The following GAP43 variants were observed in gnomAD, a reference collection of about 807,000 sequenced individuals.
The protein encoded by GAP43 is neuromodulin.
Under a neutral mutation model 18.6 loss-of-function variants are expected in GAP43, and 6 were observed. That is an observed-to-expected ratio of 0.32 (90% CI 0.18 to 0.64). The LOEUF is 0.64. Among genes scored for constraint, GAP43 ranks in the 30% least tolerant of loss-of-function variants. The probability of loss-of-function intolerance (pLI) is 0.78; values close to 1 mark genes in which losing one functional copy is unlikely to be tolerated. For synonymous variants in GAP43, 115 were observed against 111.4 expected (o/e 1.03, Z -0.20); for missense variants, 292 against 295.5 (o/e 0.99, Z 0.09).
At chr3:115,669,971 ATTTTTTTTTTTTAAT>A (rs1708793871) in intron 1 of GAP43, among the ~76,000 whole-genome samples, 1 of 95,458 alleles carries the variant, frequency 1.0e-5, no homozygotes, top group African/African-American at 3.2e-5. Flanking sequence ...TTTTATTTTT[ATTTTTTTTTTTTAAT>A]TTTTTTTTTA....
At chr3:115,706,356 C>G (rs537442548) in intron 2 of GAP43, among the ~76,000 whole-genome samples, 1 of 151,902 alleles carries the variant, frequency 6.6e-6, no homozygotes, top group South Asian at 2.1e-4. Flanking sequence ...TTGCCATCCT[C>G]TCTGTAACTT....
At chr3:115,648,238 C>T (rs1210913473) in intron 1 of GAP43, among the ~76,000 whole-genome samples, 3 of 151,956 alleles carry the variant, frequency 2.0e-5, no homozygotes, top group South Asian at 2.1e-4. Context: ...GGCTGTATAC[C>T]TCAACCTTCT....
At position 115,683,147 on chromosome 3, in the gene GAP43, GCACACACACACACACACA is replaced by G. The variant is rs869219452; in HGVS notation, c.628+6561_628+6578del. On this transcript the variant is annotated intron_variant, in intron 2 of 2. Coordinates refer to ENST00000305124, the MANE Select transcript of GAP43 (RefSeq NM_002045.4). The stretch of plus-strand genomic sequence containing the variant: ...TGTGCGCGCGCGTGCGCGCGCGCGC[GCACACACACACACACACA>G]CACACACACACACACACACACACGA... Among the ~76,000 whole-genome samples the G allele has an allele frequency of 3.4e-3, 436 of 127,446 alleles. 1 individual carries two copies. The highest frequency in any genetic ancestry group is 0.012 in the African/African-American group (383 of 33,118). 83.6% of individuals were successfully genotyped at this position (127,446 alleles called of 152,430 possible).
intron 1 of GAP43, among the ~76,000 whole-genome samples, chr3:115,635,481 A>G (rs1708316694): frequency 6.6e-6 from 1 of 152,116 alleles, no homozygotes; most frequent in Admixed American, 6.6e-5. Flanking sequence ...TGAAACCAGT[A>G]TGGAGGAGGA....
At chr3:115,623,937 A>T (rs1708149541) in intron 1 of GAP43, among the ~76,000 whole-genome samples, 1 of 152,044 alleles carries the variant, frequency 6.6e-6, no homozygotes, top group Non-Finnish European at 1.5e-5. Flanking sequence ...GAGGGTAGAA[A>T]AAACATGCCT....
At chr3:115,674,565 G>T (rs185729785) in intron 1 of GAP43, among the ~76,000 whole-genome samples, 120 of 152,202 alleles carry the variant, frequency 7.9e-4, no homozygotes, top group African/African-American at 2.6e-3. Context: ...ATGATAATAC[G>T]AACACATTTT....
intron 2 of GAP43, among the ~76,000 whole-genome samples, chr3:115,690,719 AT>A (rs1171186310): frequency 3.5e-5 from 5 of 143,878 alleles, no homozygotes; most frequent in African/African-American, 1.3e-4. Flanking sequence ...CCATATGAAG[AT>A]CCTCTGGGCA....
intron 2 of GAP43, among the ~76,000 whole-genome samples, chr3:115,685,880 G>A (rs1346233216): frequency 2.0e-5 from 3 of 152,088 alleles, no homozygotes; most frequent in East Asian, 1.9e-4. Context: ...AGAGAACCTG[G>A]CCCCTATTGG....
Position 115,662,033 on chromosome 3 carries a change from A to G in GAP43, c.31-13980A>G, listed in dbSNP as rs1040891750. On this transcript the variant is annotated intron_variant, in intron 1 of 2. Transcript: ENST00000305124. ...AAGGGGAAGGGCATATTGTAATGAA[A>G]CCACAATTCGATTTTAGCTTACTGT... is the stretch of plus-strand genomic sequence containing the variant. Among the ~76,000 whole-genome samples, 4 of 151,824 alleles carry G rather than the reference A, an allele frequency of 2.6e-5. No individual in the cohort carries two copies. In the East Asian group the frequency reaches 7.7e-4, roughly 29 times the overall value.
intron 1 of GAP43, among the ~76,000 whole-genome samples, chr3:115,631,924 A>G (rs1446725103): frequency 6.6e-6 from 1 of 152,122 alleles, no homozygotes; most frequent in Non-Finnish European, 1.5e-5. Flanking sequence ...GGCTCAGAGT[A>G]AATATTAACC....
At chr3:115,654,397 C>T (rs1479691459) in intron 1 of GAP43, among the ~76,000 whole-genome samples, 1 of 152,164 alleles carries the variant, frequency 6.6e-6, no homozygotes, top group Non-Finnish European at 1.5e-5. Flanking sequence ...ACTAAAGACC[C>T]CAGCTCATCC....
At chr3:115,626,076 C>T (rs967307965) in intron 1 of GAP43, among the ~76,000 whole-genome samples, 17 of 152,148 alleles carry the variant, frequency 1.1e-4, no homozygotes, top group African/African-American at 3.1e-4. Context: ...GTATTCAGGG[C>T]GTGGGCTCAC....
At chr3:115,657,909 G>T (rs1413235432) in intron 1 of GAP43, among the ~76,000 whole-genome samples, 3 of 152,126 alleles carry the variant, frequency 2.0e-5, no homozygotes, top group African/African-American at 7.2e-5. Flanking sequence ...TAACCAAAGA[G>T]ACAAGGTATT....
chr3:115,703,898 G>A (rs1340835755), intron 2 of GAP43, among the ~76,000 whole-genome samples: 1 of 152,008 alleles, frequency 6.6e-6, no homozygotes, highest in Non-Finnish European at 1.5e-5. Flanking sequence ...TAAACAGCTT[G>A]GAGATCTTTG....
intron 2 of GAP43, among the ~76,000 whole-genome samples, chr3:115,689,228 T>G (rs1029311779): frequency 6.6e-6 from 1 of 152,218 alleles, no homozygotes; most frequent in Admixed American, 6.5e-5. Context: ...CCCAGTTTAT[T>G]TTCTCCGTAG....
intron 1 of GAP43, among the ~76,000 whole-genome samples, chr3:115,645,463 T>C (rs1452258508): frequency 1.3e-5 from 2 of 152,024 alleles, no homozygotes. Flanking sequence ...TGCTGAACAG[T>C]TAACTTAGTG....
intron 2 of GAP43, among the ~76,000 whole-genome samples, chr3:115,682,779 C>T (rs568838960): frequency 3.8e-4 from 58 of 152,292 alleles, no homozygotes; most frequent in African/African-American, 1.3e-3. Context: ...TCAGGTGATC[C>T]GCCTGCTTCA....
intron 1 of GAP43, among the ~76,000 whole-genome samples, chr3:115,641,382 T>TTG (rs894619973): frequency 1.3e-4 from 20 of 150,956 alleles, no homozygotes; most frequent in Middle Eastern, 3.4e-3. Context: ...ACATAGGAGT[T>TTG]TGTGTGTGTG....
intron 2 of GAP43, among the ~76,000 whole-genome samples, chr3:115,678,912 C>T (rs1011595848): frequency 1.3e-5 from 2 of 150,322 alleles, no homozygotes; most frequent in East Asian, 1.9e-4. Context: ...CTTGCCTGCT[C>T]TTATGTGACA....
Sources: allele counts gnomAD v4.1 joint callset (sites outside exome capture counted in the v4.1 genomes callset), GRCh38; gene constraint gnomAD v4.1.1; transcripts MANE v1.5; gene names NCBI Gene and HGNC (gene_info 2026-07-23, HGNC 2026-07-21).